The following SPAG11B variants were observed in gnomAD, a reference collection of about 807,000 sequenced individuals.
SPAG11B encodes the protein sperm associated antigen 11B, also known as sperm-associated antigen 11B.
Under a neutral mutation model 8.9 loss-of-function variants are expected in SPAG11B, and 5 were observed. The ratio of observed to expected loss-of-function variants is 0.56; its 90% CI spans 0.29 to 1.19. The LOEUF (loss-of-function observed/expected upper bound fraction) is 1.19, where lower values mean the gene tolerates loss of function less well. Ranked by LOEUF, SPAG11B falls within the 50% of genes most tolerant of loss-of-function variation. SPAG11B has a pLI of 0.08. For missense variants in SPAG11B, 38 were observed against 146.4 expected (o/e 0.26, Z 3.82); for synonymous variants, 12 against 53.0 (o/e 0.23, Z 3.36).
intron 2 of SPAG11B, among the ~76,000 whole-genome samples, chr8:7,453,620 A>G (rs1270933566): frequency 6.6e-6 from 1 of 150,380 alleles, no homozygotes; most frequent in African/African-American, 2.5e-5. Flanking sequence ...TTATTTAACC[A>G]GTCTACAACA....
At chr8:7,449,828 G>C (rs1334357223), downstream of SPAG11B, among the ~76,000 whole-genome samples, 1 of 141,530 alleles carries the variant, frequency 7.1e-6, no homozygotes, top group Non-Finnish European at 1.5e-5. Context: ...CCACCTGTCA[G>C]TCAGGAAAAA....
At chr8:7,448,538 A>G (rs1291227601), downstream of SPAG11B, among the ~76,000 whole-genome samples, 10 of 150,312 alleles carry the variant, frequency 6.7e-5, no homozygotes, top group Admixed American at 6.0e-4. Context: ...GATCTGCCCA[A>G]TATCCCAGAG....
At chr8:7,453,234 G>A (rs987411642) in intron 2 of SPAG11B, among the ~76,000 whole-genome samples, 2 of 143,398 alleles carry the variant, frequency 1.4e-5, no homozygotes, top group South Asian at 4.4e-4. Context: ...ATATTTTTGT[G>A]TGTGGGTTTA....
intron 2 of SPAG11B, among the ~76,000 whole-genome samples, chr8:7,458,674 T>TAA (rs750698777): frequency 0.013 from 1,095 of 81,886 alleles, 8 homozygotes; most frequent in African/African-American, 0.046. Context: ...CCAAAAATAG[T>TAA]AAAAAAAAAA....
At position 7,454,340 on chromosome 8, in the gene SPAG11B, AT is replaced by A. The variant is rs1295860711; in HGVS notation, c.215-3441del. Reference sequence around the variant, plus strand: ...GATGACTTATAGATAAAACAATAAAATGCATATTTTATACTTTACATTCATT... The same window carrying A: ...GATGACTTATAGATAAAACAATAAAAGCATATTTTATACTTTACATTCATT... On this transcript the variant is annotated intron_variant, in intron 2 of 2. Coordinates refer to ENST00000398462, the MANE Select transcript of SPAG11B (RefSeq NM_058201.4). 3.0e-4 allele frequency among the ~76,000 whole-genome samples: 31 copies of A among 104,706 alleles called. 1 individual carries two copies. The highest frequency in any genetic ancestry group is 8.2e-4 in the Admixed American group (8 of 9,804). 68.7% of individuals were successfully genotyped at this position (104,706 alleles called of 152,430 possible).
At chr8:7,453,205 C>T (rs1810288497) in intron 2 of SPAG11B, among the ~76,000 whole-genome samples, 1 of 143,558 alleles carries the variant, frequency 7.0e-6, no homozygotes, top group African/African-American at 2.8e-5. Context: ...GTTGTGAAAA[C>T]AGAATCTGCA....
Position 7,450,853 on chromosome 8 carries a change from C to G in SPAG11B, c.262G>C (p.Gly88Arg). The change falls in exon 3 of 3, where the codon GGG becomes CGG. Residue 88 changes from glycine to arginine, a missense_variant. Around this residue, in one of 3 missense-constraint regions of SPAG11B, gnomAD observed 29 missense variants for 28.0 expected, o/e 1.03. Coordinates refer to ENST00000398462, the MANE Select transcript of SPAG11B (RefSeq NM_058201.4). ...TGGCAGAAAAAAAGTCTGCAGATCC[C>G]TTGCTGCATATGGCAGATGGTATTT... ...IRNTICHMQQ[G>R]ICRLFFCHSG... 6.3e-7 allele frequency: 1 copy of G among 1,584,344 alleles called. No homozygotes were observed. Among genetic ancestry groups the G allele is most frequent in the South Asian group, 1.1e-5 (1 of 89,516 alleles).
At chr8:7,448,291 G>T (rs2128870821), downstream of SPAG11B, among the ~76,000 whole-genome samples, 1 of 60,534 alleles carries the variant, frequency 1.7e-5, no homozygotes, top group Non-Finnish European at 3.0e-5. Flanking sequence ...CCCAGCTTCA[G>T]AACAAGTGGT....
rs764227577 is a variant in SPAG11B at position 7,457,613 on chromosome 8, G to GTT, written c.214+5092_214+5093dup. Among the ~76,000 whole-genome samples, 141 of 78,266 alleles carry GTT rather than the reference G, an allele frequency of 1.8e-3. No individual in the cohort carries two copies. In the South Asian group the frequency reaches 0.047, roughly 26 times the overall value. 51.3% of individuals were successfully genotyped at this position (78,266 alleles called of 152,430 possible). ...AGTGCTCCATTTTGAACTTTTTAGAGTTTTTTTTGGTTTCTCAAAGTATTT... is the reference window on the plus strand; with the variant it reads ...AGTGCTCCATTTTGAACTTTTTAGAGTTTTTTTTTTGGTTTCTCAAAGTATTT... On this transcript the variant is annotated intron_variant, in intron 2 of 2. Coordinates refer to ENST00000398462, the MANE Select transcript of SPAG11B (RefSeq NM_058201.4).
At chr8:7,453,905 C>A (rs1201369759) in intron 2 of SPAG11B, among the ~76,000 whole-genome samples, 1 of 149,050 alleles carries the variant, frequency 6.7e-6, no homozygotes, top group East Asian at 1.9e-4. Context: ...TTTTGACCCT[C>A]CACCAAAAAA....
chr8:7,457,635 AT>A, intron 2 of SPAG11B, among the ~76,000 whole-genome samples: 1 of 100,702 alleles, frequency 9.9e-6, no homozygotes, highest in South Asian at 3.9e-4. Context: ...TTCTCAAAGT[AT>A]TTTTTTATTT....
downstream of SPAG11B, among the ~76,000 whole-genome samples, chr8:7,450,007 C>T (rs1337803188): frequency 7.9e-6 from 1 of 126,174 alleles, no homozygotes; most frequent in Non-Finnish European, 1.7e-5. Flanking sequence ...TGAACAGGGG[C>T]CCTGCCTTGC....
At chr8:7,458,650 C>T (rs1810589599) in intron 2 of SPAG11B, among the ~76,000 whole-genome samples, 1 of 111,110 alleles carries the variant, frequency 9.0e-6, no homozygotes, top group Non-Finnish European at 1.8e-5. Flanking sequence ...AATCTAATAA[C>T]TGAACTTCAA....
chr8:7,453,903 C>T (rs1483162795), intron 2 of SPAG11B, among the ~76,000 whole-genome samples: 1 of 149,100 alleles, frequency 6.7e-6, no homozygotes, highest in South Asian at 2.1e-4. Context: ...GCTTTTGACC[C>T]TCCACCAAAA....
At chr8:7,453,161 T>C (rs1477245335) in intron 2 of SPAG11B, among the ~76,000 whole-genome samples, 2 of 143,470 alleles carry the variant, frequency 1.4e-5, no homozygotes, top group East Asian at 2.0e-4. Flanking sequence ...CATCCTGGGC[T>C]GGAGGGAGGT....
chr8:7,451,890 C>T (rs1435793925), intron 2 of SPAG11B, among the ~76,000 whole-genome samples: 1 of 148,126 alleles, frequency 6.8e-6, no homozygotes, highest in Non-Finnish European at 1.5e-5. Context: ...TAAATTAACA[C>T]TTTCTCTGGA....
chr8:7,451,142 A>C, intron 2 of SPAG11B: 1 of 1,559,408 alleles, frequency 6.4e-7, no homozygotes, highest in South Asian at 1.1e-5. Context: ...TCTAGGCCCT[A>C]AAAAGTCCAC....
Position 7,450,907 on chromosome 8 carries a change from A to G in SPAG11B, c.215-7T>C. The G allele has an allele frequency of 6.4e-7, 1 of 1,553,760 alleles. No individual in the cohort carries two copies. Among genetic ancestry groups the G allele is most frequent in the Non-Finnish European group, 8.8e-7 (1 of 1,140,572 alleles). On this transcript the variant is annotated splice_region_variant and splice_polypyrimidine_tract_variant and intron_variant, in intron 2 of 2. Transcript: ENST00000398462. ...ATTCCCGGTGGAACATCCCCTATGG[A>G]TACAACAGAAGAGAGTTGACATTTA...
intron 2 of SPAG11B, among the ~76,000 whole-genome samples, chr8:7,454,082 CAAAAAA>C (rs1332122490): frequency 1.5e-5 from 1 of 67,922 alleles, no homozygotes; most frequent in African/African-American, 7.3e-5. Context: ...TGAAATCTCT[CAAAAAA>C]AAAAAAAAAA....
Sources: gnomAD v4.1 joint callset for allele counts (sites outside exome capture counted in the v4.1 genomes callset) on GRCh38, gnomAD v4.1.1 for gene constraint, gnomAD v4.1.1 regional missense constraint, MANE v1.5 for transcripts, NCBI Gene and HGNC (gene_info 2026-07-23, HGNC 2026-07-21) for gene names.